DNAAF9: variants seen among roughly 807,000 people sequenced by gnomAD.
The protein encoded by DNAAF9 is shulin.
DNAAF9 carries 90 observed loss-of-function variants against 167.0 expected under a neutral mutation model. The observed-to-expected ratio is 0.54, with a 90% CI of 0.45 to 0.64. DNAAF9 has a LOEUF of 0.64. DNAAF9 is among the 30% of genes least tolerant of loss of function. The pLI is 0.00. For missense variants in DNAAF9, 1,315 were observed against 1,442.2 expected, an observed-to-expected ratio of 0.91 and a Z score of 1.43; for synonymous variants, 491 against 508.8, an observed-to-expected ratio of 0.96 and a Z score of 0.47.
intron 31 of DNAAF9, 50 bp from the exon 32 acceptor site, chr20:3,260,078 G>A (rs6084317): frequency 5.9e-6 from 6 of 1,011,106 alleles, no homozygotes; most frequent in East Asian, 5.0e-5. Context: ...GGTGGCTCAC[G>A]CCTGTAATCC....
chr20:3,287,446 CTATACTAGCCT>C (rs2068871239), intron 27 of DNAAF9, among the ~76,000 whole-genome samples, 175 bp downstream of exon 27: 3 of 152,234 alleles, frequency 2.0e-5, no homozygotes, highest in Admixed American at 2.0e-4. Context: ...TGTGTGCAAG[CTATACTAGCCT>C]ATAGGCCATA....
In DNAAF9 at chr20:3,259,490, C is replaced by A; in HGVS notation, c.3045G>T (p.Val1015=). The A allele has an allele frequency of 6.2e-7, 1 of 1,607,766 alleles. No homozygotes were observed. The highest frequency in any genetic ancestry group is 8.5e-7 in the Non-Finnish European group (1 of 1,174,178). ...CCAGCCCCTGGTTACCTGAAAACTT[C>A]ACTTTGCCCAGGATGTGGTAGATGT... is the stretch of plus-strand genomic sequence containing the variant. The part of the protein sequence containing the change: ...SGNIYHILGK[V]KFSDSERTME... The change falls in exon 33 of 37, where the codon GTG becomes GTT. Residue 1015 remains valine, a synonymous_variant. Coordinates refer to ENST00000252032, the MANE Select transcript of DNAAF9 (RefSeq NM_001009984.3).
chr20:3,321,076 G>A (rs2069607473), intron 16 of DNAAF9, among the ~76,000 whole-genome samples: 1 of 152,124 alleles, frequency 6.6e-6, no homozygotes, highest in East Asian at 1.9e-4. Flanking sequence ...TCCCACCCCA[G>A]GGACCATTAT....
rs759083731 is a variant in DNAAF9, at chr20:3,316,757, A to G, written c.1505T>C (p.Leu502Pro). 1 of 1,613,908 alleles carries G rather than the reference A, an allele frequency of 6.2e-7. No homozygotes were observed. The highest frequency in any genetic ancestry group is 8.5e-7 in the Non-Finnish European group (1 of 1,179,786). Residue 502 changes from leucine (L) to proline (P), a missense_variant, in exon 18 of 37, where the codon CTG becomes CCG. Around this residue, in one of 2 missense-constraint regions of DNAAF9, gnomAD observed 981 missense variants for 1,012.5 expected, o/e 0.97. Transcript: ENST00000252032. ...TVTTETSSVV[L>P]TAAVPRFCSW... ...GCAGAATCTGGGTACAGCAGCAGTC[A>G]GGACTACGGAGCTGGTTTCTGTGGT...
intron 3 of DNAAF9, 66 bp downstream of exon 3, chr20:3,381,313 A>T: frequency 7.7e-7 from 1 of 1,291,456 alleles, no homozygotes. Flanking sequence ...AAGACCATAA[A>T]ATAAGGATCC....
rs957932392 is a variant in DNAAF9 at position 3,287,511 on chromosome 20, G to A, written c.2486+121C>T. ...TGCTCGCTTAAGGCTTCTCTGTAGC[G>A]CAGACACTGCTCATGCATGTAGAGT... On this transcript the variant is annotated intron_variant, in intron 27 of 36. Coordinates refer to ENST00000252032, the MANE Select transcript of DNAAF9 (RefSeq NM_001009984.3). 25 of 916,020 alleles carry A rather than the reference G, an allele frequency of 2.7e-5. No individual in the cohort carries two copies. In the East Asian group the frequency reaches 3.1e-4, roughly 11 times the overall value. The allele number at this position is 916,020 out of a possible 1,614,324, so 56.7% of individuals were successfully genotyped here.
chr20:3,403,757 T>C (rs1341163439), intron 1 of DNAAF9, among the ~76,000 whole-genome samples: 3 of 152,080 alleles, frequency 2.0e-5, no homozygotes, highest in Non-Finnish European at 2.9e-5. Flanking sequence ...CAAAAGAACA[T>C]CAATATGACT....
chr20:3,326,408 A>G (rs2069711624), intron 12 of DNAAF9, 124 bp from the exon 13 acceptor site: 4 of 668,770 alleles, frequency 6.0e-6, no homozygotes, highest in Non-Finnish European at 1.1e-5. Flanking sequence ...AGGCAAAAAT[A>G]TAACCCACTG....
At chr20:3,262,248 CTTTTTTTTTTT>C (rs953323176) in intron 31 of DNAAF9, among the ~76,000 whole-genome samples, 3 of 131,678 alleles carry the variant, frequency 2.3e-5, no homozygotes, top group African/African-American at 5.6e-5. Context: ...AGTTCACATT[CTTTTTTTTTTT>C]TTTTTTTTGA....
In DNAAF9 at chr20:3,315,002, G is replaced by A. The variant is rs2069478091; in HGVS notation, c.1678+31C>T. 2 of 1,332,798 alleles carry A rather than the reference G, an allele frequency of 1.5e-6. No individual in the cohort carries two copies. Among genetic ancestry groups the A allele is most frequent in the East Asian group, 2.3e-5 (1 of 43,474 alleles). The allele number at this position is 1,332,798 out of a possible 1,614,324, so 82.6% of individuals were successfully genotyped here. A position where few individuals can be genotyped will look rare whatever the true frequency, so the allele number is the denominator to read the frequency against. The stretch of plus-strand genomic sequence containing the variant: ...ATCTGCAAATGAGGGACCCAGACAT[G>A]GCCAAAAACATTAAAGTCATAGCTC... On this transcript the variant is annotated intron_variant, in intron 20 of 36. Coordinates refer to ENST00000252032, the MANE Select transcript of DNAAF9 (RefSeq NM_001009984.3). The surrounding 1 kb of genome is among the most constrained non-coding windows in gnomAD (Gnocchi z 4.1).
chr20:3,306,868 A>G (rs1019975319), intron 20 of DNAAF9: 1 of 981,762 alleles, frequency 1.0e-6, no homozygotes, highest in Non-Finnish European at 1.2e-6. Context: ...TCCTGCCACA[A>G]GATGACTCTA....
Position 3,270,529 on chromosome 20 carries a change from G to T in DNAAF9, c.2684C>A (p.Thr895Asn). 1 of 1,612,942 alleles carries T rather than the reference G, an allele frequency of 6.2e-7. No homozygotes were observed. Among genetic ancestry groups the T allele is most frequent in the Non-Finnish European group, 8.5e-7 (1 of 1,179,564 alleles). The change falls in exon 30 of 37, where the codon ACC (threonine) becomes AAC (asparagine). Residue 895 changes from threonine to asparagine, a missense_variant. Coordinates refer to ENST00000252032, the MANE Select transcript of DNAAF9 (RefSeq NM_001009984.3). The stretch of plus-strand genomic sequence containing the variant: ...AAGGAGAGGGTGCCGCTGCTCCGTG[G>T]TGTGACTGGTGAATACCACGTTACT... The part of the protein sequence containing the change: ...LVSNVVFTSH[T>N]TEQRHPLLVQ...
Position 3,283,611 on chromosome 20 carries a change from T to C in DNAAF9, c.2487-1845A>G, listed in dbSNP as rs1240920654. Among the ~76,000 whole-genome samples the C allele has an allele frequency of 3.9e-5, 6 of 152,212 alleles. No homozygotes were observed. In the East Asian group the frequency reaches 5.8e-4, roughly 15 times the overall value. On this transcript the variant is annotated intron_variant, in intron 27 of 36. Coordinates refer to ENST00000252032, the MANE Select transcript of DNAAF9 (RefSeq NM_001009984.3). ...CCCACAACACGCACTGCCAGGCCCATAGAGAAGCACGCCTGGTAAGCAGGG... is the reference window on the plus strand; with the variant it reads ...CCCACAACACGCACTGCCAGGCCCACAGAGAAGCACGCCTGGTAAGCAGGG...
At chr20:3,359,235 A>C (rs1356993345) in intron 7 of DNAAF9, among the ~76,000 whole-genome samples, 3 of 152,228 alleles carry the variant, frequency 2.0e-5, no homozygotes, top group Non-Finnish European at 4.4e-5. Flanking sequence ...GTCCAACAGA[A>C]AGAATGCCTT....
intron 30 of DNAAF9, 27 bp downstream of exon 30, chr20:3,270,400 G>T: frequency 6.2e-7 from 1 of 1,605,148 alleles, no homozygotes; most frequent in African/African-American, 1.3e-5. Flanking sequence ...AAAGCAACTG[G>T]TCTTGCAGAG....
At chr20:3,345,953 A>C (rs1256672439) in intron 8 of DNAAF9, among the ~76,000 whole-genome samples, 1 of 152,196 alleles carries the variant, frequency 6.6e-6, no homozygotes, top group Non-Finnish European at 1.5e-5. Flanking sequence ...GCCAGGGGAC[A>C]AAAAACCCTC....
In DNAAF9 at chr20:3,345,815, C is replaced by T. The variant is rs369044054; in HGVS notation, c.790-2084G>A. On this transcript the variant is annotated intron_variant, in intron 8 of 36. Coordinates refer to ENST00000252032, the MANE Select transcript of DNAAF9 (RefSeq NM_001009984.3). ...TGGAGTATATACTAGAGACAAAATG[C>T]TAATAGCCCAATTATATAACAAACT... Among the ~76,000 whole-genome samples the T allele has an allele frequency of 2.7e-3, 412 of 152,068 alleles. 1 individual carries two copies. Among genetic ancestry groups the T allele is most frequent in the African/African-American group, 9.3e-3 (387 of 41,476 alleles).
At chr20:3,402,446 T>C (rs1280837733) in intron 1 of DNAAF9, among the ~76,000 whole-genome samples, 1 of 152,192 alleles carries the variant, frequency 6.6e-6, no homozygotes, top group African/African-American at 2.4e-5. Context: ...TAACTATAGT[T>C]ACCATGTTGT....
intron 10 of DNAAF9, among the ~76,000 whole-genome samples, chr20:3,336,788 G>A (rs946930826): frequency 2.6e-5 from 4 of 151,534 alleles, no homozygotes; most frequent in African/African-American, 7.3e-5. Flanking sequence ...CTGACCTCAG[G>A]TAATCCGGCC....
Sources: gnomAD v4.1 joint callset for allele counts (sites outside exome capture counted in the v4.1 genomes callset) on GRCh38, gnomAD v4.1.1 for gene constraint, gnomAD v4.1.1 regional missense constraint, Gnocchi (gnomAD v3.1) non-coding constraint, MANE v1.5 for transcripts, NCBI Gene and HGNC (gene_info 2026-07-23, HGNC 2026-07-21) for gene names.